Variants in PRSS16 observed in about 807,000 individuals in gnomAD.
PRSS16 encodes serine protease 16, also known as thymus-specific serine protease.
A neutral mutation model predicts 61.7 loss-of-function variants in PRSS16; 43 were observed. The observed-to-expected ratio is 0.70, with a 90% confidence interval of 0.55 to 0.90. The LOEUF is 0.90. Among genes scored for constraint, PRSS16 ranks in the 40% least tolerant of loss-of-function variants. The probability of loss-of-function intolerance (pLI) is 0.00; values close to 1 mark genes in which losing one functional copy is unlikely to be tolerated. For synonymous variants in PRSS16, 273 were observed against 285.2 expected (o/e 0.96, Z 0.43); for missense variants, 591 against 659.1 (o/e 0.90, Z 1.13).
At chr6:27,249,354 T>C in intron 4 of PRSS16, 125 bp downstream of exon 4, 1 of 1,263,518 alleles carries the variant, frequency 7.9e-7, no homozygotes. Context: ...GTTCCCTCTG[T>C]TTTCTTCTGT....
Position 27,252,101 on chromosome 6 carries a change from G to C in PRSS16, c.1008+61G>C. 2.8e-6 allele frequency: 4 copies of C among 1,430,940 alleles called. No individual in the cohort carries two copies. The highest frequency in any genetic ancestry group is 3.7e-6 in the Non-Finnish European group (4 of 1,095,694). The allele number at this position is 1,430,940 out of a possible 1,614,324, so 88.6% of individuals were successfully genotyped here. On this transcript the variant is annotated intron_variant, in intron 8 of 11. Coordinates refer to ENST00000230582, the MANE Select transcript of PRSS16 (RefSeq NM_005865.4). The surrounding 1 kb of genome is among the most constrained non-coding windows in gnomAD (Gnocchi z 4.2). ...GGACAAAGATTCCTGCCCCACTTCC[G>C]TTGTGTGATCTTGGGCAAGCGAGAA...
rs1410963398 is a variant in PRSS16 at position 27,252,568 on chromosome 6, C to T, written c.1009-240C>T. Among the ~76,000 whole-genome samples, 1 of 152,152 alleles carries T rather than the reference C, an allele frequency of 6.6e-6. No individual in the cohort carries two copies. Among genetic ancestry groups the T allele is most frequent in the Non-Finnish European group, 1.5e-5 (1 of 68,026 alleles). On this transcript the variant is annotated intron_variant, in intron 8 of 11. Coordinates refer to ENST00000230582, the MANE Select transcript of PRSS16 (RefSeq NM_005865.4). The surrounding 1 kb of genome is among the most constrained non-coding windows in gnomAD (Gnocchi z 4.2). Reference sequence around the variant, plus strand: ...CACTTACAGAAAAGGAAACTGAAGTCTGAAAGATTATCACTTGCCCAAGCT... The same window carrying T: ...CACTTACAGAAAAGGAAACTGAAGTTTGAAAGATTATCACTTGCCCAAGCT...
rs189422445 is a variant in PRSS16 at position 27,249,056 on chromosome 6, C to T, written c.338-44C>T. 181 of 1,366,946 alleles carry T rather than the reference C, an allele frequency of 1.3e-4. No individual in the cohort carries two copies. The African/African-American group carries it at 2.4e-3, about 18-fold the overall frequency. 84.7% of individuals were successfully genotyped at this position (1,366,946 alleles called of 1,614,324 possible). On this transcript the variant is annotated intron_variant, in intron 3 of 11. Transcript: ENST00000230582. ...GAGGAGTGAAAGGGCTTAAACTCAA[C>T]TTGCATCTCACCTCCCCACCCCCCA... is the stretch of plus-strand genomic sequence containing the variant.
chr6:27,249,867 G>A (rs1481507564), intron 4 of PRSS16, among the ~76,000 whole-genome samples: 2 of 152,052 alleles, frequency 1.3e-5, no homozygotes, highest in African/African-American at 4.8e-5. Context: ...TCTGCATGGC[G>A]TGGCCTTCCC....
Position 27,251,585 on chromosome 6 carries a change from TTGGGGGCGGGGGCC to T in PRSS16, c.718-146_718-133del, listed in dbSNP as rs1352489930. On this transcript the variant is annotated intron_variant, in intron 7 of 11. Transcript: ENST00000230582. This position sits in a 1 kb window ranked among gnomAD's most constrained non-coding sequence, Gnocchi z 5.6. ...AGAAGGAGGGCTGCGAGGCAGGGGA[TTGGGGGCGGGGGCC>T]TGGGGGCGGGGGCCTGGGCCAAGAG... 3.5e-4 allele frequency: 167 copies of T among 473,208 alleles called. 1 individual carries two copies. Among genetic ancestry groups the T allele is most frequent in the South Asian group, 1.7e-3 (63 of 37,406 alleles). The allele number at this position is 473,208 out of a possible 1,614,324, so 29.3% of individuals were successfully genotyped here.
rs745868592 is a variant in PRSS16, at chr6:27,251,045, C to A, written c.595C>A (p.Pro199Thr). 5 of 1,613,942 alleles carry A rather than the reference C, an allele frequency of 3.1e-6. No individual in the cohort carries two copies. In the South Asian group the frequency reaches 5.5e-5, roughly 18 times the overall value. ...CTGACGGCGTCTCCTCCCTTAGTTC[C>A]CCCATCTCATTTTCGCGTCGGTCGC... ...SLAAWARLKF[P>T]HLIFASVASS... is the part of the protein sequence containing the mutation. Residue 199 changes from proline to threonine, a missense_variant, in exon 6 of 12, where the codon CCC (proline) becomes ACC (threonine). By Grantham distance (38) the Pro-to-Thr change is conservative. Coordinates refer to ENST00000230582, the MANE Select transcript of PRSS16 (RefSeq NM_005865.4). This position sits in a 1 kb window ranked among gnomAD's most constrained non-coding sequence, Gnocchi z 5.6.
chr6:27,249,283 T>C, intron 4 of PRSS16, 54 bp downstream of exon 4: 1 of 1,576,124 alleles, frequency 6.3e-7, no homozygotes, highest in Non-Finnish European at 8.6e-7. Context: ...TGTCTGTGCT[T>C]TGGCATCTCT....
At position 27,254,842 on chromosome 6, in the gene PRSS16, C is replaced by G; in HGVS notation, c.1300C>G (p.Pro434Ala). Residue 434 changes from proline to alanine, a missense_variant, in exon 10 of 12, where the codon CCT (proline) becomes GCT (alanine). Coordinates refer to ENST00000230582, the MANE Select transcript of PRSS16 (RefSeq NM_005865.4). ...QTNSYYGGQT[P>A]GANKVLFVNG... ...GAACTCCTACTACGGTGGCCAGACC[C>G]CTGGGGCTAACAAAGTGCTGTTTGT... The G allele has an allele frequency of 6.2e-7, 1 of 1,614,132 alleles. No individual in the cohort carries two copies. Among genetic ancestry groups the G allele is most frequent in the Non-Finnish European group, 8.5e-7 (1 of 1,180,004 alleles).
rs968744579 is a variant in PRSS16, at chr6:27,256,308, T to C, written c.*993T>C. Reference sequence around the variant, plus strand: ...TAGGGATTCATGATTCTGGTGGAGATTCCTTCTTCCAGGGCCTGGGAGGAT... The same window carrying C: ...TAGGGATTCATGATTCTGGTGGAGACTCCTTCTTCCAGGGCCTGGGAGGAT... On this transcript the variant is annotated 3_prime_UTR_variant, in exon 12 of 12. Coordinates refer to ENST00000230582, the MANE Select transcript of PRSS16 (RefSeq NM_005865.4). The C allele has an allele frequency of 6.5e-6, 1 of 152,738 alleles. No homozygotes were observed. Among genetic ancestry groups the C allele is most frequent in the African/African-American group, 2.4e-5 (1 of 41,468 alleles). 9.5% of individuals were successfully genotyped at this position (152,738 alleles called of 1,614,324 possible). A position where few individuals can be genotyped will look rare whatever the true frequency, so the allele number is the denominator to read the frequency against.
At chr6:27,249,280 G>A in intron 4 of PRSS16, 51 bp downstream of exon 4, 1 of 1,582,292 alleles carries the variant, frequency 6.3e-7, no homozygotes, top group East Asian at 2.2e-5. Context: ...GAATGTCTGT[G>A]CTTTGGCATC....
At position 27,252,664 on chromosome 6, in the gene PRSS16, C is replaced by T. The variant is rs759765162; in HGVS notation, c.1009-144C>T. On this transcript the variant is annotated intron_variant, in intron 8 of 11. Coordinates refer to ENST00000230582, the MANE Select transcript of PRSS16 (RefSeq NM_005865.4). This position sits in a 1 kb window ranked among gnomAD's most constrained non-coding sequence, Gnocchi z 4.2. ...CTCACAAGGACCCAGGCATCCACCC[C>T]CTCTGACCACTGACTCCCAGGAGAA... 9.2e-5 allele frequency: 75 copies of T among 810,982 alleles called. No homozygotes were observed. The highest frequency in any genetic ancestry group is 7.8e-5 in the Non-Finnish European group (40 of 511,298). The allele number at this position is 810,982 out of a possible 1,614,324, so 50.2% of individuals were successfully genotyped here.
At chr6:27,248,806 C>T (rs1166637303) in intron 2 of PRSS16, 41 bp from the exon 3 acceptor site, 3 of 1,347,710 alleles carry the variant, frequency 2.2e-6, no homozygotes, top group Non-Finnish European at 3.1e-6. Context: ...TAAGTCAGGA[C>T]TCTCACAGTG....
Position 27,251,986 on chromosome 6 carries a change from C to CG in PRSS16, c.959dup (p.Asn321GlnfsTer50), listed in dbSNP as rs1404090556. 6.3e-7 allele frequency: 1 copy of CG among 1,586,762 alleles called. No individual in the cohort carries two copies. Among genetic ancestry groups the CG allele is most frequent in the Admixed American group, 1.8e-5 (1 of 55,408 alleles). ...AGCTCTGCGGACTTCTCCTCGGGGG[C>CG]GGGGGCAACCGCAGCCACTCCACGC... On this transcript the variant is annotated frameshift_variant, in exon 8 of 12. Coordinates refer to ENST00000230582, the MANE Select transcript of PRSS16 (RefSeq NM_005865.4). LOFTEE classifies it high-confidence loss of function. This position sits in a 1 kb window ranked among gnomAD's most constrained non-coding sequence, Gnocchi z 5.6.
rs1291597985 is a variant in PRSS16, at chr6:27,249,233, A to C, written c.467+4A>C. ...GCTTCTTGTCCAGCCGCCTTGCGTG[A>C]GTGGAGGAAGGGAAAGTGTTTATGG... On this transcript the variant is annotated splice_donor_region_variant and intron_variant, in intron 4 of 11. Coordinates refer to ENST00000230582, the MANE Select transcript of PRSS16 (RefSeq NM_005865.4). 1.2e-5 allele frequency: 20 copies of C among 1,612,620 alleles called. No individual in the cohort carries two copies. Among genetic ancestry groups the C allele is most frequent in the Non-Finnish European group, 1.7e-5 (20 of 1,179,518 alleles).
rs1457306213 is a variant in PRSS16, at chr6:27,248,326, AC to A, written c.237+283del. On this transcript the variant is annotated intron_variant, in intron 2 of 11. Coordinates refer to ENST00000230582, the MANE Select transcript of PRSS16 (RefSeq NM_005865.4). ...TCATTCACATTCACTGCTCCTCCCTACCCCCTTGTCCCTGTCCAGACTGGAC... is the reference window on the plus strand; with the variant it reads ...TCATTCACATTCACTGCTCCTCCCTACCCCTTGTCCCTGTCCAGACTGGAC... Among the ~76,000 whole-genome samples the A allele has an allele frequency of 2.7e-5, 4 of 149,652 alleles. No homozygotes were observed. In the East Asian group the frequency reaches 5.9e-4, roughly 22 times the overall value.
intron 9 of PRSS16, 32 bp from the exon 10 acceptor site, chr6:27,254,661 A>G: frequency 6.4e-7 from 1 of 1,559,658 alleles, no homozygotes; most frequent in Non-Finnish European, 8.8e-7. Flanking sequence ...GGCTGCCTGT[A>G]TACCCACACT....
rs150255818 is a variant in PRSS16, at chr6:27,255,058, G to A, written c.1403G>A (p.Arg468His). Residue 468 changes from arginine (R) to histidine (H), a missense_variant, in exon 11 of 12, where the codon CGC becomes CAC. Coordinates refer to ENST00000230582, the MANE Select transcript of PRSS16 (RefSeq NM_005865.4). The surrounding 1 kb of genome is among the most constrained non-coding windows in gnomAD (Gnocchi z 4.4). ...LGSSESTLLI[R>H]TGSHCLDMAP... ...TCCTCAGAATCAACTCTTCTTATCC[G>A]CACTGGCTCCCACTGCTTGGACATG... is the stretch of plus-strand genomic sequence containing the variant. The A allele has an allele frequency of 4.3e-6, 7 of 1,613,930 alleles. No individual in the cohort carries two copies. Among genetic ancestry groups the A allele is most frequent in the African/African-American group, 2.7e-5 (2 of 74,898 alleles).
At chr6:27,253,385 C>T (rs1385132773) in intron 9 of PRSS16, 7 of 371,584 alleles carry the variant, frequency 1.9e-5, no homozygotes, top group Non-Finnish European at 3.7e-5. Flanking sequence ...CTGCTGGGAA[C>T]CTCCATTCTT....
intron 2 of PRSS16, 57 bp from the exon 3 acceptor site, chr6:27,248,790 T>G: frequency 3.5e-6 from 4 of 1,144,210 alleles, no homozygotes; most frequent in Non-Finnish European, 5.1e-6. Context: ...AATGAGGAAT[T>G]GAGAATAAGT....
Sources: gnomAD v4.1 joint callset for allele counts (sites outside exome capture counted in the v4.1 genomes callset) on GRCh38, gnomAD v4.1.1 for gene constraint, Gnocchi (gnomAD v3.1) non-coding constraint, MANE v1.5 for transcripts, NCBI Gene and HGNC (gene_info 2026-07-23, HGNC 2026-07-21) for gene names.